The following EDA variants were observed in gnomAD, a reference collection of about 807,000 sequenced individuals.
EDA encodes ectodysplasin-A.
Under a neutral mutation model 23.6 loss-of-function variants are expected in EDA, and 2 were observed. The ratio of observed to expected loss-of-function variants is 0.08; its 90% CI spans 0.03 to 0.27. The LOEUF is 0.27. Ranked by LOEUF, EDA falls within the 10% of genes least tolerant of loss-of-function variation. The pLI is 1.00. For synonymous variants in EDA, 131 were observed against 132.0 expected, an observed-to-expected ratio of 0.99 and a Z score of 0.05; for missense variants, 229 against 324.2, an observed-to-expected ratio of 0.71 and a Z score of 2.26.
chrX:69,758,707 G>T (rs1181364542), intron 1 of EDA, among the ~76,000 whole-genome samples: 2 of 112,029 alleles, frequency 1.8e-5, no homozygotes, highest in African/African-American at 6.5e-5. Context: ...GTGGTGGCAT[G>T]CGCCTGTAGT....
intron 2 of EDA, among the ~76,000 whole-genome samples, chrX:69,964,633 G>A (rs1400249041): frequency 9.0e-6 from 1 of 111,654 alleles, no homozygotes; most frequent in East Asian, 2.8e-4. Context: ...CCCTGAGAAC[G>A]CTCAATAAGG....
chrX:69,885,240 T>C (rs1239844612), intron 1 of EDA, among the ~76,000 whole-genome samples: 3 of 112,094 alleles, frequency 2.7e-5, no homozygotes, highest in Non-Finnish European at 5.6e-5. Context: ...AAACACATAG[T>C]TCTGTGGCAT....
Position 69,616,306 on chromosome X carries a change from GC to G in EDA, c.-1del, listed in dbSNP as rs753233795. ...CTCAAGAGAGTGGGTGTCTCCGGAG[GC>G]CATGGGCTACCCGGAGGTGGAGCGC... On this transcript the variant is annotated 5_prime_UTR_variant, in exon 1 of 8. Transcript: ENST00000374552. 8.4e-7 allele frequency: 1 copy of G among 1,188,200 alleles called. No individual in the cohort carries two copies. Among genetic ancestry groups the G allele is most frequent in the Non-Finnish European group, 1.1e-6 (1 of 888,139 alleles).
chrX:69,881,312 A>G (rs1290755218), intron 1 of EDA, among the ~76,000 whole-genome samples: 1 of 110,524 alleles, frequency 9.0e-6, no homozygotes, highest in East Asian at 2.8e-4. Context: ...ACCTCTTACT[A>G]GATATTTGGC....
chrX:69,718,491 T>G (rs2012437114), intron 1 of EDA, among the ~76,000 whole-genome samples: 1 of 111,398 alleles, frequency 9.0e-6, no homozygotes, highest in African/African-American at 3.3e-5. Context: ...ACTGAGAGTT[T>G]TTTTTTCATG....
intron 1 of EDA, among the ~76,000 whole-genome samples, chrX:69,786,010 G>A (rs1431196905): frequency 1.8e-5 from 2 of 109,893 alleles, no homozygotes; most frequent in African/African-American, 3.3e-5. Flanking sequence ...CCTCTTCCTG[G>A]TTTAGTCTTG....
chrX:69,888,892 G>A (rs995434391), intron 1 of EDA, among the ~76,000 whole-genome samples: 12 of 93,540 alleles, frequency 1.3e-4, no homozygotes, highest in East Asian at 3.6e-4. Flanking sequence ...TAAACATGGC[G>A]GTACAAATAT....
intron 2 of EDA, among the ~76,000 whole-genome samples, chrX:69,961,356 A>C (rs2019100099): frequency 8.9e-6 from 1 of 111,910 alleles, no homozygotes; most frequent in Non-Finnish European, 1.9e-5. Context: ...TTTTATAAAC[A>C]GTTCATTAAC....
chrX:69,695,512 CTTTT>C (rs34298428), intron 1 of EDA, among the ~76,000 whole-genome samples: 2 of 88,863 alleles, frequency 2.3e-5, no homozygotes. Flanking sequence ...TTCCTTCTTT[CTTTT>C]TTTTTTTTTT....
intron 1 of EDA, among the ~76,000 whole-genome samples, chrX:69,843,505 T>C (rs909969563): frequency 2.7e-5 from 3 of 111,806 alleles, no homozygotes; most frequent in Admixed American, 9.5e-5. Flanking sequence ...CATTTCATTA[T>C]ACAGAGTATT....
rs369523060 is a variant in EDA, at chrX:70,023,205, A to G, written c.503-13A>G. 14 of 1,057,426 alleles carry G rather than the reference A, an allele frequency of 1.3e-5. No homozygotes were observed. The African/African-American group carries it at 1.5e-4, about 11-fold the overall frequency. The allele number at this position is 1,057,426 out of a possible 1,213,427, so 87.1% of individuals were successfully genotyped here. On this transcript the variant is annotated splice_polypyrimidine_tract_variant and intron_variant, in intron 2 of 7. Coordinates refer to ENST00000374552, the MANE Select transcript of EDA (RefSeq NM_001399.5). ...TTCCAATGACTTAATTATCTATTTTATTTTTCTTATAGGCCCAGTTAAAAA... is the reference window on the plus strand; with the variant it reads ...TTCCAATGACTTAATTATCTATTTTGTTTTTCTTATAGGCCCAGTTAAAAA...
chrX:69,875,113 A>G (rs1038766297), intron 1 of EDA, among the ~76,000 whole-genome samples: 4 of 111,634 alleles, frequency 3.6e-5, no homozygotes, highest in Non-Finnish European at 5.6e-5. Flanking sequence ...CATTCTTCAT[A>G]TAACTAGAAA....
At position 69,878,409 on chromosome X, in the gene EDA, T is replaced by G. The variant is rs763386984; in HGVS notation, c.397-78618T>G. ...CCAGTGTTCAGCGCAAAAAAATAAT[T>G]CAGCTATGGCAGCTGAGCAGAGCTC... On this transcript the variant is annotated intron_variant, in intron 1 of 7. Coordinates refer to ENST00000374552, the MANE Select transcript of EDA (RefSeq NM_001399.5). 8.9e-5 allele frequency among the ~76,000 whole-genome samples: 10 copies of G among 112,243 alleles called. No homozygotes were observed. In the South Asian group the frequency reaches 3.3e-3, roughly 37 times the overall value.
At chrX:69,780,165 TAAAG>T (rs2014900571) in intron 1 of EDA, among the ~76,000 whole-genome samples, 2 of 110,487 alleles carry the variant, frequency 1.8e-5, no homozygotes, top group African/African-American at 6.6e-5. Context: ...TAACATTTTA[TAAAG>T]AAAGATACAA....
intron 1 of EDA, among the ~76,000 whole-genome samples, chrX:69,628,736 C>T (rs1932471176): frequency 9.0e-6 from 1 of 111,498 alleles, no homozygotes; most frequent in African/African-American, 3.3e-5. Context: ...CTCCCTTGTC[C>T]TTGCTACCTA....
intron 1 of EDA, among the ~76,000 whole-genome samples, chrX:69,720,047 C>T (rs995841726): frequency 9.0e-6 from 1 of 111,713 alleles, no homozygotes; most frequent in African/African-American, 3.3e-5. Flanking sequence ...CGTGCCCGGC[C>T]ACCACATTTT....
At chrX:69,800,993 A>G (rs1470243900) in intron 1 of EDA, among the ~76,000 whole-genome samples, 1 of 111,599 alleles carries the variant, frequency 9.0e-6, no homozygotes, top group Non-Finnish European at 1.9e-5. Context: ...GCCTTGTTCA[A>G]CCACATTTAT....
chrX:69,991,627 TA>T (rs1311239360), intron 2 of EDA, among the ~76,000 whole-genome samples: 1 of 111,802 alleles, frequency 8.9e-6, no homozygotes, highest in Admixed American at 9.4e-5. Context: ...AGAAATTACC[TA>T]ATTGGGCTCC....
chrX:69,765,287 T>C (rs1374895964), intron 1 of EDA, among the ~76,000 whole-genome samples: 1 of 112,606 alleles, frequency 8.9e-6, no homozygotes, highest in Admixed American at 9.4e-5. Flanking sequence ...TTTATATAGG[T>C]TCTATCTACC....
Sources: allele counts gnomAD v4.1 joint callset (sites outside exome capture counted in the v4.1 genomes callset), GRCh38; gene constraint gnomAD v4.1.1; transcripts MANE v1.5; gene names NCBI Gene and HGNC (gene_info 2026-07-23, HGNC 2026-07-21).